ZNF90: variants seen among roughly 807,000 people sequenced by gnomAD.
ZNF90 encodes zinc finger protein 90.
Under a neutral mutation model 12.0 loss-of-function variants are expected in ZNF90, and 11 were observed. The observed-to-expected ratio is 0.92, with a 90% CI of 0.58 to 1.52. The LOEUF is 1.52. Ranked by LOEUF, ZNF90 falls within the 40% of genes most tolerant of loss-of-function variation. ZNF90 has a pLI of 0.00. For synonymous variants in ZNF90, 232 were observed against 240.1 expected (o/e 0.97, Z 0.31); for missense variants, 765 against 711.5 (o/e 1.08, Z -0.86).
intron 1 of ZNF90, among the ~76,000 whole-genome samples, chr19:20,097,849 C>T (rs1476513423): frequency 5.3e-5 from 8 of 152,206 alleles, no homozygotes; most frequent in African/African-American, 1.9e-4. Flanking sequence ...CCACATTGGA[C>T]ACTATATCCC....
intron 3 of ZNF90, chr19:20,106,933 T>A: frequency 2.2e-6 from 1 of 454,552 alleles, no homozygotes; most frequent in Non-Finnish European, 4.4e-6. Flanking sequence ...TAATTCTCAT[T>A]TTATTTTTGG....
At chr19:20,102,130 T>C (rs1721273149) in intron 1 of ZNF90, among the ~76,000 whole-genome samples, 1 of 152,212 alleles carries the variant, frequency 6.6e-6, no homozygotes, top group Non-Finnish European at 1.5e-5. Context: ...TACAATGAGT[T>C]CTGAGGTTCT....
chr19:20,092,004 T>C (rs1340101618), intron 1 of ZNF90, among the ~76,000 whole-genome samples: 2 of 152,010 alleles, frequency 1.3e-5, no homozygotes, highest in Non-Finnish European at 2.9e-5. Flanking sequence ...ATAAACCAAG[T>C]GTGATCAGGG....
At chr19:20,103,069 C>G (rs2089002822) in intron 1 of ZNF90, among the ~76,000 whole-genome samples, 1 of 152,092 alleles carries the variant, frequency 6.6e-6, no homozygotes, top group African/African-American at 2.4e-5. Flanking sequence ...GGACTCAATC[C>G]TTTGAGTCCT....
At chr19:20,106,044 C>CTTTTT (rs56933917) in intron 3 of ZNF90, among the ~76,000 whole-genome samples, 5 of 71,058 alleles carry the variant, frequency 7.0e-5, no homozygotes, top group African/African-American at 1.6e-4. Flanking sequence ...CTAATTTTTT[C>CTTTTT]TTTTTTTTTT....
chr19:20,082,879 T>G (rs182576623), intron 1 of ZNF90, among the ~76,000 whole-genome samples: 2 of 152,356 alleles, frequency 1.3e-5, no homozygotes, highest in East Asian at 3.9e-4. Context: ...AAAACCTGAT[T>G]GTATATTCCA....
At chr19:20,090,734 A>G (rs1432505010) in intron 1 of ZNF90, among the ~76,000 whole-genome samples, 1 of 152,188 alleles carries the variant, frequency 6.6e-6, no homozygotes, top group Non-Finnish European at 1.5e-5. Context: ...GGTGTCTGGG[A>G]TGAGGCTGGG....
intron 3 of ZNF90, among the ~76,000 whole-genome samples, chr19:20,107,541 C>A (rs782802154): frequency 5.9e-5 from 9 of 152,156 alleles, no homozygotes; most frequent in Non-Finnish European, 8.8e-5. Context: ...AAAATCCTGG[C>A]CTGAAGCAGT....
chr19:20,099,179 G>A (rs1417456083), intron 1 of ZNF90, among the ~76,000 whole-genome samples: 2 of 151,530 alleles, frequency 1.3e-5, no homozygotes, highest in Non-Finnish European at 2.9e-5. Context: ...ATATTATTAT[G>A]CTTTTTTTTT....
Position 20,118,847 on chromosome 19 carries a change from CAA to C in ZNF90, c.1295_1296del (p.Lys432SerfsTer9). On this transcript the variant is annotated frameshift_variant, in exon 4 of 4. Coordinates refer to ENST00000418063, the MANE Select transcript of ZNF90 (RefSeq NM_007138.2). LOFTEE classifies it low-confidence loss of function (END_TRUNC). ...EKPYKCQECD[K>X]VFKRSSALST... Reference sequence around the variant, plus strand: ...AACCCTACAAATGTCAAGAATGTGACAAAGTCTTCAAACGCTCCTCAGCCCTT... The same window carrying C: ...AACCCTACAAATGTCAAGAATGTGACAGTCTTCAAACGCTCCTCAGCCCTT... 3 of 1,605,410 alleles carry C rather than the reference CAA, an allele frequency of 1.9e-6. No individual in the cohort carries two copies. Among genetic ancestry groups the C allele is most frequent in the South Asian group, 1.1e-5 (1 of 90,142 alleles).
intron 1 of ZNF90, among the ~76,000 whole-genome samples, chr19:20,085,378 G>A (rs2088851487): frequency 6.6e-6 from 1 of 150,820 alleles, no homozygotes; most frequent in East Asian, 2.0e-4. Flanking sequence ...TCCTGCCTCA[G>A]CCTCCCGAAT....
chr19:20,104,376 G>A lies in ZNF90; in HGVS notation c.130+11G>A, dbSNP rs782702995. The A allele has an allele frequency of 1.2e-6, 2 of 1,608,684 alleles. No individual in the cohort carries two copies. The highest frequency in any genetic ancestry group is 3.4e-5 in the Admixed American group (2 of 58,832). ...ACCTGGTCTTCCTTGGTGAGGATAAGTGGAATACATAATTCATAATATACC... is the reference window on the plus strand; with the variant it reads ...ACCTGGTCTTCCTTGGTGAGGATAAATGGAATACATAATTCATAATATACC... On this transcript the variant is annotated intron_variant, in intron 2 of 3. Coordinates refer to ENST00000418063, the MANE Select transcript of ZNF90 (RefSeq NM_007138.2).
chr19:20,094,565 C>T (rs2088927661), intron 1 of ZNF90, among the ~76,000 whole-genome samples: 1 of 152,164 alleles, frequency 6.6e-6, no homozygotes, highest in African/African-American at 2.4e-5. Flanking sequence ...CCTAGCTATA[C>T]CTGGGGAATT....
rs376585789 is a variant in ZNF90 at position 20,113,902 on chromosome 19, T to A, written c.227-3879T>A. Reference sequence around the variant, plus strand: ...TTTGTGTGTCAGAAACACTTTTGGATTTGAAGATAATTTCAAAACAATACT... The same window carrying A: ...TTTGTGTGTCAGAAACACTTTTGGAATTGAAGATAATTTCAAAACAATACT... On this transcript the variant is annotated intron_variant, in intron 3 of 3. Coordinates refer to ENST00000418063, the MANE Select transcript of ZNF90 (RefSeq NM_007138.2). Among the ~76,000 whole-genome samples the A allele has an allele frequency of 4.0e-4, 61 of 152,310 alleles. No individual in the cohort carries two copies. The East Asian group carries it at 6.2e-3, about 15-fold the overall frequency.
intron 1 of ZNF90, among the ~76,000 whole-genome samples, chr19:20,093,616 G>T (rs2122490921): frequency 6.6e-6 from 1 of 152,208 alleles, no homozygotes; most frequent in East Asian, 1.9e-4. Context: ...GGCAGGTGGG[G>T]ATAACTAAAA....
At chr19:20,095,704 G>A (rs1402069393) in intron 1 of ZNF90, among the ~76,000 whole-genome samples, 3 of 152,010 alleles carry the variant, frequency 2.0e-5, no homozygotes, top group Non-Finnish European at 4.4e-5. Context: ...AGAGATTGGG[G>A]CACAGAAATA....
chr19:20,119,187 G>A lies in ZNF90; in HGVS notation c.1633G>A (p.Ala545Thr), dbSNP rs782742293. Residue 545 changes from alanine to threonine, a missense_variant, in exon 4 of 4, where the codon GCC (alanine) becomes ACC (threonine). Coordinates refer to ENST00000418063, the MANE Select transcript of ZNF90 (RefSeq NM_007138.2). ...CTACAAATGTGAAGAATGTGGCAAAGCCTTTAAGCGCTCCTCACAGCTTAC... is the reference window on the plus strand; with the variant it reads ...CTACAAATGTGAAGAATGTGGCAAAACCTTTAAGCGCTCCTCACAGCTTAC... ...KPYKCEECGK[A>T]FKRSSQLTSH... The A allele has an allele frequency of 1.2e-5, 20 of 1,612,844 alleles. No individual in the cohort carries two copies. Among genetic ancestry groups the A allele is most frequent in the Non-Finnish European group, 1.4e-5 (17 of 1,179,372 alleles).
At chr19:20,116,777 CACTT>C (rs1555705694) in intron 3 of ZNF90, among the ~76,000 whole-genome samples, 1 of 151,792 alleles carries the variant, frequency 6.6e-6, no homozygotes, top group African/African-American at 2.4e-5. Context: ...AATCAGTAAT[CACTT>C]GCTGCAGCCA....
Position 20,106,714 on chromosome 19 carries a change from A to G in ZNF90, c.226+1398A>G, listed in dbSNP as rs563242967. On this transcript the variant is annotated intron_variant, in intron 3 of 3. Transcript: ENST00000418063. ...GTGATCCACCCGCCTTGGCCTCCCA[A>G]AGTGCTAGGATTACAGGCGTGAGCC... Among the ~76,000 whole-genome samples the G allele has an allele frequency of 2.0e-5, 3 of 152,282 alleles. No individual in the cohort carries two copies. The South Asian group carries it at 6.2e-4, about 32-fold the overall frequency.
Sources: allele counts gnomAD v4.1 joint callset (sites outside exome capture counted in the v4.1 genomes callset), GRCh38; gene constraint gnomAD v4.1.1; transcripts MANE v1.5; gene names NCBI Gene and HGNC (gene_info 2026-07-23, HGNC 2026-07-21).